Variants in MMP8 observed in about 807,000 individuals in gnomAD.
MMP8 encodes the protein matrix metallopeptidase 8.
Under a neutral mutation model 51.2 loss-of-function variants are expected in MMP8, and 67 were observed. That is an observed-to-expected ratio of 1.31 (90% CI 1.08 to 1.60). The LOEUF (loss-of-function observed/expected upper bound fraction) is 1.60, where lower values mean the gene tolerates loss of function less well. Ranked by LOEUF, MMP8 falls within the 40% of genes most tolerant of loss-of-function variation. The pLI, the probability that MMP8 is intolerant of heterozygous loss-of-function variation, is 0.00. For synonymous variants in MMP8, 225 were observed against 191.0 expected, an observed-to-expected ratio of 1.18 and a Z score of -1.47; for missense variants, 654 against 558.1, an observed-to-expected ratio of 1.17 and a Z score of -1.73.
Position 102,716,343 on chromosome 11 carries a change from A to T in MMP8, c.861T>A (p.Ala287=). The change falls in exon 6 of 10, where the codon GCT becomes GCA. Residue 287 remains alanine, a synonymous_variant. Coordinates refer to ENST00000236826, the MANE Select transcript of MMP8 (RefSeq NM_002424.3). ...KPCDPSLTFD[A]ITTLRGEILF... ...GTATTTCTCCACGGAGTGTGGTGATAGCATCAAATGTCAAACTGGGGTCAC... is the reference window on the plus strand; with the variant it reads ...GTATTTCTCCACGGAGTGTGGTGATTGCATCAAATGTCAAACTGGGGTCAC... 6.3e-7 allele frequency: 1 copy of T among 1,596,666 alleles called. No homozygotes were observed. The highest frequency in any genetic ancestry group is 8.6e-7 in the Non-Finnish European group (1 of 1,169,488).
In MMP8 at chr11:102,721,674, G is replaced by C; in HGVS notation, c.436C>G (p.Leu146Val). ...AFELWSVASP[L>V]IFTRISQGEA... The stretch of plus-strand genomic sequence containing the variant: ...CCCTGTGAGATCCTGGTGAAGATGA[G>C]AGGTGATGCAACACTCCAGAGTTCA... The change falls in exon 3 of 10, where the codon CTC becomes GTC. Residue 146 changes from leucine (L) to valine (V), a missense_variant. Leu to Val is a conservative substitution (Grantham distance 32). Transcript: ENST00000236826. 6.2e-7 allele frequency: 1 copy of C among 1,613,858 alleles called. No individual in the cohort carries two copies. The highest frequency in any genetic ancestry group is 8.5e-7 in the Non-Finnish European group (1 of 1,179,850).
chr11:102,721,111 A>G (rs991095992), intron 4 of MMP8, among the ~76,000 whole-genome samples: 3 of 152,112 alleles, frequency 2.0e-5, no homozygotes, highest in African/African-American at 7.2e-5. Flanking sequence ...TTTCAATAAA[A>G]CTTTATTTAT....
Position 102,721,486 on chromosome 11 carries a change from G to A in MMP8, c.537C>T (p.Ile179=), listed in dbSNP as rs775602988. 6.2e-7 allele frequency: 1 copy of A among 1,613,878 alleles called. No homozygotes were observed. The highest frequency in any genetic ancestry group is 8.5e-7 in the Non-Finnish European group (1 of 1,179,846). ...GGCCTGGCTGAAAGGCATGAGCAAG[G>A]ATTCCATTGGGTCCATCAAATGGAG... ...DNSPFDGPNG[I]LAHAFQPGQG... is the part of the protein sequence containing the mutation. Residue 179 remains isoleucine (I), a synonymous_variant, in exon 4 of 10, where the codon ATC becomes ATT. Transcript: ENST00000236826.
Position 102,721,779 on chromosome 11 carries a change from T to C in MMP8, c.348-17A>G, listed in dbSNP as rs758272459. 3 of 1,612,772 alleles carry C rather than the reference T, an allele frequency of 1.9e-6. No homozygotes were observed. The highest frequency in any genetic ancestry group is 2.7e-5 in the African/African-American group (2 of 74,968). On this transcript the variant is annotated splice_polypyrimidine_tract_variant and intron_variant, in intron 2 of 9. Transcript: ENST00000236826. ...TTTCGAATCCTTCAAAATGAGAGGA[T>C]GTATGAAGAGTTAAATGTTATTTAG...
At chr11:102,718,658 A>C in intron 4 of MMP8, 83 bp from the exon 5 acceptor site, 1 of 1,500,314 alleles carries the variant, frequency 6.7e-7, no homozygotes, top group Non-Finnish European at 9.2e-7. Flanking sequence ...GCAACCTCCA[A>C]GTCAAAACTG....
Position 102,716,335 on chromosome 11 carries a change from G to A in MMP8, c.869C>T (p.Thr290Ile), listed in dbSNP as rs1390859449. The change falls in exon 6 of 10, where the codon ACA becomes ATA. Residue 290 changes from threonine (T) to isoleucine (I), a missense_variant. By Grantham distance (89) the Thr-to-Ile change is moderately conservative (BLOSUM62 -1). Transcript: ENST00000236826. ...DPSLTFDAIT[T>I]LRGEILFFKD... is the part of the protein sequence containing the mutation. ...AAAGAAAAGTATTTCTCCACGGAGT[G>A]TGGTGATAGCATCAAATGTCAAACT... is the stretch of plus-strand genomic sequence containing the variant. The A allele has an allele frequency of 1.3e-6, 2 of 1,597,782 alleles. No individual in the cohort carries two copies. The highest frequency in any genetic ancestry group is 1.7e-6 in the Non-Finnish European group (2 of 1,170,384).
chr11:102,721,871 TGGAGAGGATAA>T, intron 2 of MMP8, 109 bp from the exon 3 acceptor site: 1 of 1,289,654 alleles, frequency 7.8e-7, no homozygotes, highest in Non-Finnish European at 1.1e-6. Context: ...GTGCTACCAC[TGGAGAGGATAA>T]GGAGGGAGTG....
chr11:102,715,547 A>G, intron 6 of MMP8, 110 bp from the exon 7 acceptor site: 1 of 1,396,378 alleles, frequency 7.2e-7, no homozygotes. Context: ...CTGGGAGAAT[A>G]TAACAATCGA....
intron 2 of MMP8, among the ~76,000 whole-genome samples, chr11:102,722,026 A>T (rs948021708): frequency 6.6e-5 from 10 of 152,292 alleles, no homozygotes; most frequent in African/African-American, 2.2e-4. Context: ...GATTAAATAC[A>T]TATAAAGCAT....
Position 102,715,388 on chromosome 11 carries a change from T to TA in MMP8, c.951dup (p.Ile318TyrfsTer17), listed in dbSNP as rs763685209. 7 of 1,613,626 alleles carry TA rather than the reference T, an allele frequency of 4.3e-6. No individual in the cohort carries two copies. The South Asian group carries it at 4.4e-5, about 10-fold the overall frequency. On this transcript the variant is annotated frameshift_variant, in exon 7 of 10. Transcript: ENST00000236826. LOFTEE classifies it high-confidence loss of function. ...GGAAGGGATGGCCAGAATAGAGAAA[T>TA]AAAATTCATTTCGACTCTTTGTAGC...
chr11:102,724,716 C>G, intron 1 of MMP8, 38 bp downstream of exon 1: 1 of 1,516,752 alleles, frequency 6.6e-7, no homozygotes, highest in East Asian at 2.3e-5. Flanking sequence ...TCCTAATAAT[C>G]AGCAAATCAA....
At chr11:102,718,857 T>C (rs1861386523) in intron 4 of MMP8, among the ~76,000 whole-genome samples, 1 of 152,222 alleles carries the variant, frequency 6.6e-6, no homozygotes, top group Non-Finnish European at 1.5e-5. Flanking sequence ...AATGTGCATC[T>C]GAGACTTGGA....
Position 102,714,713 on chromosome 11 carries a change from T to A in MMP8, c.1037-4A>T. The A allele has an allele frequency of 6.7e-7, 1 of 1,487,904 alleles. No individual in the cohort carries two copies. Among genetic ancestry groups the A allele is most frequent in the Non-Finnish European group, 8.9e-7 (1 of 1,121,620 alleles). 92.2% of individuals were successfully genotyped at this position (1,487,904 alleles called of 1,614,324 possible). ...CTCAGAGCCCAGTATTGGTTGCCTG[T>A]CAATGATTCAGGTTAAGTGTTAAAT... On this transcript the variant is annotated splice_polypyrimidine_tract_variant and splice_region_variant and intron_variant, in intron 7 of 9. Transcript: ENST00000236826.
chr11:102,721,223 T>G (rs556961615), intron 4 of MMP8, among the ~76,000 whole-genome samples, 178 bp downstream of exon 4: 1 of 152,320 alleles, frequency 6.6e-6, no homozygotes, highest in Non-Finnish European at 1.5e-5. Context: ...TTTTCTTTCT[T>G]TTTTTAAAAA....
intron 6 of MMP8, among the ~76,000 whole-genome samples, chr11:102,715,917 T>C (rs1216162061): frequency 6.6e-6 from 1 of 152,214 alleles, no homozygotes; most frequent in Non-Finnish European, 1.5e-5. Flanking sequence ...TGGAACTGGA[T>C]GGTGCTTTGG....
At position 102,722,645 on chromosome 11, in the gene MMP8, G is replaced by A. The variant is rs1305929828; in HGVS notation, c.131C>T (p.Pro44Leu). Residue 44 changes from proline (P) to leucine (L), a missense_variant, in exon 2 of 10, where the codon CCA (proline) becomes CTA (leucine). Coordinates refer to ENST00000236826, the MANE Select transcript of MMP8 (RefSeq NM_002424.3). The part of the protein sequence containing the change: ...QDYLEKFYQL[P>L]SNQYQSTRKN... ...CCTTGTAGACTGATACTGGTTGCTT[G>A]GTAATTGGTAGAACTTTTCCAGGTA... is the stretch of plus-strand genomic sequence containing the variant. 2 of 1,613,696 alleles carry A rather than the reference G, an allele frequency of 1.2e-6. No homozygotes were observed. The highest frequency in any genetic ancestry group is 2.2e-5 in the East Asian group (1 of 44,886).
rs1270832605 is a variant in MMP8, at chr11:102,711,879, T to G, written c.*1469A>C. On this transcript the variant is annotated 3_prime_UTR_variant, in exon 10 of 10. Coordinates refer to ENST00000236826, the MANE Select transcript of MMP8 (RefSeq NM_002424.3). ...ACAAGCATAAAGGTGCCAATTTAAT[T>G]ATCTGTGGGATTTAAAAACTTCAAC... is the stretch of plus-strand genomic sequence containing the variant. 2.0e-5 allele frequency: 3 copies of G among 152,284 alleles called. No individual in the cohort carries two copies. The highest frequency in any genetic ancestry group is 7.2e-5 in the African/African-American group (3 of 41,570). The allele number at this position is 152,284 out of a possible 1,614,324, so 9.4% of individuals were successfully genotyped here.
rs2134289654 is a variant in MMP8, at chr11:102,713,149, G to A, written c.*199C>T. ...TGGAATCACTAATGTAAGATGGAAT[G>A]TGTAAGAACTGAATAAGCCTCTGCA... On this transcript the variant is annotated 3_prime_UTR_variant, in exon 10 of 10. Coordinates refer to ENST00000236826, the MANE Select transcript of MMP8 (RefSeq NM_002424.3). The A allele has an allele frequency of 1.0e-5, 5 of 496,996 alleles. No individual in the cohort carries two copies. In the South Asian group the frequency reaches 1.5e-4, roughly 14 times the overall value. The allele number at this position is 496,996 out of a possible 1,614,324, so 30.8% of individuals were successfully genotyped here.
Position 102,712,294 on chromosome 11 carries a change from C to T in MMP8, c.*1054G>A, listed in dbSNP as rs867964878. Reference sequence around the variant, plus strand: ...AGGCAGGAGAGGAAGTGGTGGTTCTCTTTTGGCTGCTGTCCTGGGAAGATG... The same window carrying T: ...AGGCAGGAGAGGAAGTGGTGGTTCTTTTTTGGCTGCTGTCCTGGGAAGATG... On this transcript the variant is annotated 3_prime_UTR_variant, in exon 10 of 10. Coordinates refer to ENST00000236826, the MANE Select transcript of MMP8 (RefSeq NM_002424.3). The T allele has an allele frequency of 6.6e-6, 1 of 152,364 alleles. No individual in the cohort carries two copies. Among genetic ancestry groups the T allele is most frequent in the South Asian group, 2.1e-4 (1 of 4,826 alleles). The allele number at this position is 152,364 out of a possible 1,614,324, so 9.4% of individuals were successfully genotyped here.
Sources: allele counts gnomAD v4.1 joint callset (sites outside exome capture counted in the v4.1 genomes callset), GRCh38; gene constraint gnomAD v4.1.1; transcripts MANE v1.5; gene names NCBI Gene and HGNC (gene_info 2026-07-23, HGNC 2026-07-21).